The following FRMD4A variants were observed in gnomAD, a reference collection of about 807,000 sequenced individuals.
FRMD4A encodes FERM domain containing 4A.
Under a neutral mutation model 129.1 loss-of-function variants are expected in FRMD4A, and 29 were observed. The observed-to-expected ratio is 0.22, with a 90% CI of 0.17 to 0.31. The LOEUF (loss-of-function observed/expected upper bound fraction) is 0.31, where lower values mean the gene tolerates loss of function less well. Ranked by LOEUF, FRMD4A falls within the 10% of genes least tolerant of loss-of-function variation. The pLI is 1.00. For missense variants in FRMD4A, 1,272 were observed against 1,375.8 expected, an observed-to-expected ratio of 0.92 and a Z score of 1.19; for synonymous variants, 634 against 571.6, an observed-to-expected ratio of 1.11 and a Z score of -1.56.
chr10:13,695,837 T>G (rs1018850268), intron 14 of FRMD4A, among the ~76,000 whole-genome samples: 1 of 152,198 alleles, frequency 6.6e-6, no homozygotes, highest in South Asian at 2.1e-4. Context: ...CTACCTTCCG[T>G]GCCTGGGGGC....
At chr10:14,147,659 T>A (rs986899216) in intron 2 of FRMD4A, among the ~76,000 whole-genome samples, 1 of 151,922 alleles carries the variant, frequency 6.6e-6, no homozygotes, top group Non-Finnish European at 1.5e-5. Context: ...CACAACAGGG[T>A]CTGCACTCTT....
chr10:13,998,660 A>T (rs2095631320), intron 2 of FRMD4A, among the ~76,000 whole-genome samples: 1 of 151,596 alleles, frequency 6.6e-6, no homozygotes, highest in South Asian at 2.1e-4. Flanking sequence ...GCCGTTCTTG[A>T]CTCCTGTCTT....
intron 2 of FRMD4A, among the ~76,000 whole-genome samples, chr10:14,124,840 T>C (rs1482516664): frequency 6.6e-6 from 1 of 152,194 alleles, no homozygotes; most frequent in Non-Finnish European, 1.5e-5. Flanking sequence ...TTTTCTCACC[T>C]GTAAAAAGGC....
At chr10:14,173,136 G>C (rs1164216483) in intron 2 of FRMD4A, among the ~76,000 whole-genome samples, 2 of 152,202 alleles carry the variant, frequency 1.3e-5, no homozygotes, top group African/African-American at 4.8e-5. Flanking sequence ...TAACTCTGCT[G>C]TGTGTTTAGA....
At chr10:13,798,606 A>G (rs2093177625) in intron 4 of FRMD4A, among the ~76,000 whole-genome samples, 1 of 152,098 alleles carries the variant, frequency 6.6e-6, no homozygotes, top group Non-Finnish European at 1.5e-5. Flanking sequence ...AGTCCCAGCT[A>G]CTCAGGAGGC....
intron 12 of FRMD4A, among the ~76,000 whole-genome samples, chr10:13,717,376 T>C (rs2088908414): frequency 6.6e-6 from 1 of 152,150 alleles, no homozygotes; most frequent in African/African-American, 2.4e-5. Flanking sequence ...TGCAGGGGCA[T>C]AATCTCGGTT....
At chr10:14,045,144 C>T (rs553448809) in intron 2 of FRMD4A, among the ~76,000 whole-genome samples, 2 of 152,262 alleles carry the variant, frequency 1.3e-5, no homozygotes, top group African/African-American at 2.4e-5. Flanking sequence ...CTCGAATGAT[C>T]CTCCTAAACT....
At chr10:14,265,913 T>C (rs956532) in intron 2 of FRMD4A, among the ~76,000 whole-genome samples, 48,111 of 151,954 alleles carry the variant, frequency 0.32, 9,183 homozygotes, top group African/African-American at 0.54. Context: ...GTTGGGCAAA[T>C]GCTTCACCTC....
intron 2 of FRMD4A, among the ~76,000 whole-genome samples, chr10:14,276,382 C>T (rs1159805746): frequency 1.3e-5 from 2 of 152,156 alleles, no homozygotes; most frequent in African/African-American, 4.8e-5. Context: ...TGTGGCCTCC[C>T]AAGAAGGGCC....
chr10:14,297,843 C>T (rs568413245), intron 2 of FRMD4A, among the ~76,000 whole-genome samples: 6 of 152,256 alleles, frequency 3.9e-5, no homozygotes, highest in South Asian at 4.2e-4. Context: ...GACTATATAG[C>T]GGCCATGAAT....
chr10:13,892,628 A>T (rs1317583089), intron 2 of FRMD4A, among the ~76,000 whole-genome samples: 1 of 152,104 alleles, frequency 6.6e-6, no homozygotes, highest in Non-Finnish European at 1.5e-5. Context: ...ATAAAAGGGG[A>T]TGCTGGCAAG....
chr10:14,273,832 A>G (rs902371988), intron 2 of FRMD4A, among the ~76,000 whole-genome samples: 4 of 152,176 alleles, frequency 2.6e-5, no homozygotes, highest in African/African-American at 9.7e-5. Flanking sequence ...TCTCATAGAA[A>G]AGTTGAGATT....
At chr10:13,946,598 A>G (rs1304823679) in intron 2 of FRMD4A, among the ~76,000 whole-genome samples, 1 of 152,002 alleles carries the variant, frequency 6.6e-6, no homozygotes, top group Non-Finnish European at 1.5e-5. Flanking sequence ...CCTTGGGAAA[A>G]TTGCCCAATC....
intron 2 of FRMD4A, among the ~76,000 whole-genome samples, chr10:13,994,041 G>T (rs1204608127): frequency 1.4e-5 from 2 of 143,170 alleles, no homozygotes; most frequent in East Asian, 2.2e-4. Context: ...ATGGAGCCTT[G>T]CTTCGTTGCC....
chr10:14,260,381 C>G (rs1844759823), intron 2 of FRMD4A, among the ~76,000 whole-genome samples: 1 of 152,116 alleles, frequency 6.6e-6, no homozygotes, highest in East Asian at 1.9e-4. Flanking sequence ...ATATTGACAC[C>G]ACATGGTGGC....
intron 2 of FRMD4A, among the ~76,000 whole-genome samples, chr10:14,076,054 T>C (rs1275990325): frequency 6.6e-6 from 1 of 152,196 alleles, no homozygotes; most frequent in African/African-American, 2.4e-5. Context: ...CTCTGTTTTA[T>C]TTCCGCTGCT....
intron 2 of FRMD4A, among the ~76,000 whole-genome samples, chr10:14,060,855 T>A (rs1834774793): frequency 1.3e-5 from 2 of 152,030 alleles, no homozygotes; most frequent in Non-Finnish European, 2.9e-5. Context: ...CTAAGCATAA[T>A]AACAAAGCCA....
chr10:13,775,733 T>C (rs1233856006), intron 6 of FRMD4A, among the ~76,000 whole-genome samples: 2 of 152,074 alleles, frequency 1.3e-5, no homozygotes, highest in African/African-American at 4.8e-5. Flanking sequence ...TGGAGGAGTC[T>C]AAGAGGGAGG....
intron 3 of FRMD4A, among the ~76,000 whole-genome samples, chr10:13,842,865 T>C (rs537636656): frequency 6.6e-6 from 1 of 152,354 alleles, no homozygotes; most frequent in African/African-American, 2.4e-5. Flanking sequence ...CAGTGCTTTA[T>C]TCTGATTTCA....
Sources: gnomAD v4.1 joint callset for allele counts (sites outside exome capture counted in the v4.1 genomes callset) on GRCh38, gnomAD v4.1.1 for gene constraint, MANE v1.5 for transcripts, NCBI Gene and HGNC (gene_info 2026-07-23, HGNC 2026-07-21) for gene names.